Variants in MAGI2 observed in about 807,000 individuals in gnomAD.
MAGI2 encodes the protein membrane-associated guanylate kinase, WW and PDZ domain-containing protein 2.
In MAGI2, 35 loss-of-function variants were observed where a neutral mutation model predicts 133.3. The observed-to-expected ratio is 0.26, with a 90% confidence interval of 0.20 to 0.35. The LOEUF is 0.35. MAGI2 is among the 10% of genes least tolerant of loss of function. The probability of loss-of-function intolerance (pLI) is 1.00; values close to 1 mark genes in which losing one functional copy is unlikely to be tolerated. For synonymous variants in MAGI2, 729 were observed against 710.6 expected (o/e 1.03, Z -0.41); for missense variants, 1,636 against 1,863.4 (o/e 0.88, Z 2.25).
At chr7:78,280,297 T>G (rs533330905) in intron 9 of MAGI2, among the ~76,000 whole-genome samples, 2 of 152,096 alleles carry the variant, frequency 1.3e-5, no homozygotes, top group South Asian at 4.1e-4. Flanking sequence ...AGACAAATTG[T>G]GGGGGATGTG....
intron 2 of MAGI2, among the ~76,000 whole-genome samples, chr7:78,818,864 C>T (rs1789837068): frequency 6.6e-6 from 1 of 152,062 alleles, no homozygotes; most frequent in Admixed American, 6.6e-5. Flanking sequence ...GTTTTCATGA[C>T]ATATGAGGGG....
intron 9 of MAGI2, among the ~76,000 whole-genome samples, chr7:78,318,695 A>G (rs1787684744): frequency 6.6e-6 from 1 of 152,190 alleles, no homozygotes; most frequent in Admixed American, 6.5e-5. Flanking sequence ...GAAATGAGGG[A>G]AAAAATGTTA....
chr7:78,119,497 G>A (rs1384983629), intron 20 of MAGI2, among the ~76,000 whole-genome samples: 1 of 144,804 alleles, frequency 6.9e-6, no homozygotes, highest in African/African-American at 2.6e-5. Flanking sequence ...GGAGGCGGAG[G>A]TTGCAGTGAG....
Position 78,707,961 on chromosome 7 carries a change from CAGAT to C in MAGI2, c.419-80726_419-80723del, listed in dbSNP as rs527477510. ...AGTCCTTTATCTCTTAAAATCATAA[CAGAT>C]AGACTGTTTCCCTTTATAAGATTAA... On this transcript the variant is annotated intron_variant, in intron 2 of 21. Coordinates refer to ENST00000354212, the MANE Select transcript of MAGI2 (RefSeq NM_012301.4). 5.5e-3 allele frequency among the ~76,000 whole-genome samples: 831 copies of C among 152,144 alleles called. 4 individuals carry two copies. Among genetic ancestry groups the C allele is most frequent in the Non-Finnish European group, 7.2e-3 (491 of 67,958 alleles).
chr7:78,687,259 C>T (rs1196792790), intron 2 of MAGI2, among the ~76,000 whole-genome samples: 4 of 152,112 alleles, frequency 2.6e-5, no homozygotes, highest in African/African-American at 4.8e-5. Flanking sequence ...AGTATATAAA[C>T]GCTATATACC....
chr7:79,288,127 A>T (rs1224457405), intron 1 of MAGI2, among the ~76,000 whole-genome samples: 1 of 152,134 alleles, frequency 6.6e-6, no homozygotes, highest in Non-Finnish European at 1.5e-5. Context: ...TGCTATGCTC[A>T]CCACTAAGAG....
intron 1 of MAGI2, among the ~76,000 whole-genome samples, chr7:79,430,746 A>T (rs1164744092): frequency 6.6e-6 from 1 of 152,222 alleles, no homozygotes; most frequent in Non-Finnish European, 1.5e-5. Flanking sequence ...AATATCACAG[A>T]ACTCACCAAA....
intron 9 of MAGI2, among the ~76,000 whole-genome samples, chr7:78,270,163 A>C (rs1088558): frequency 0.72 from 108,813 of 152,002 alleles, 39,776 homozygotes; most frequent in African/African-American, 0.87. Context: ...GTTTGTGTTA[A>C]TGTAGCCTTG....
At chr7:78,625,972 G>T (rs1283684743) in intron 3 of MAGI2, among the ~76,000 whole-genome samples, 1 of 152,136 alleles carries the variant, frequency 6.6e-6, no homozygotes. Flanking sequence ...GCCTAACCAT[G>T]TGTTTCTCAG....
At chr7:79,005,308 G>A (rs139237757) in intron 2 of MAGI2, among the ~76,000 whole-genome samples, 47 of 152,206 alleles carry the variant, frequency 3.1e-4, no homozygotes, top group African/African-American at 9.9e-4. Context: ...TTCAAATTGA[G>A]TTTCTAATCA....
At chr7:78,624,182 T>A (rs1234742476) in intron 3 of MAGI2, among the ~76,000 whole-genome samples, 1 of 152,092 alleles carries the variant, frequency 6.6e-6, no homozygotes, top group Non-Finnish European at 1.5e-5. Flanking sequence ...TTTTTTCTTG[T>A]AAAAATTTTT....
chr7:79,136,858 C>T (rs1302377852), intron 1 of MAGI2, among the ~76,000 whole-genome samples: 1 of 152,148 alleles, frequency 6.6e-6, no homozygotes, highest in African/African-American at 2.4e-5. Context: ...ATAACTTGAA[C>T]AGGGAGGAGG....
intron 1 of MAGI2, among the ~76,000 whole-genome samples, chr7:79,138,293 C>T (rs1189349075): frequency 6.6e-6 from 1 of 152,122 alleles, no homozygotes; most frequent in Non-Finnish European, 1.5e-5. Context: ...CCTACAGCTG[C>T]CTTTTAAGTA....
At position 78,057,977 on chromosome 7, in the gene MAGI2, G is replaced by GTGTATATATATATATATA. The variant is rs762943472; in HGVS notation, c.3706+20969_3706+20970insTATATATATATATATACA. Reference sequence around the variant, plus strand: ...CCCCTCTGGCATTTTATATATATGTGTATATATATATATATATATATATAT... The same window carrying GTGTATATATATATATATA: ...CCCCTCTGGCATTTTATATATATGTGTGTATATATATATATATATATATATATATATATATATATATAT... On this transcript the variant is annotated intron_variant, in intron 21 of 21. Transcript: ENST00000354212. Among the ~76,000 whole-genome samples, 4 of 106,612 alleles carry GTGTATATATATATATATA rather than the reference G, an allele frequency of 3.8e-5. No homozygotes were observed. In the South Asian group the frequency reaches 9.8e-4, roughly 26 times the overall value. The allele number at this position is 106,612 out of a possible 152,430, so 69.9% of individuals were successfully genotyped here.
chr7:78,456,704 C>T (rs1023643444), intron 6 of MAGI2, among the ~76,000 whole-genome samples: 11 of 152,020 alleles, frequency 7.2e-5, no homozygotes, highest in Admixed American at 3.3e-4. Context: ...ATGAACCCTA[C>T]GGACGTAGGG....
intron 1 of MAGI2, among the ~76,000 whole-genome samples, chr7:79,021,915 T>C (rs1005619506): frequency 1.2e-4 from 18 of 152,168 alleles, no homozygotes; most frequent in African/African-American, 1.4e-4. Context: ...GTGGAGATAA[T>C]TGAATCATGG....
At chr7:78,767,486 ATAAAAT>A (rs1173359621) in intron 2 of MAGI2, among the ~76,000 whole-genome samples, 4 of 152,230 alleles carry the variant, frequency 2.6e-5, no homozygotes, top group African/African-American at 4.8e-5. Context: ...GAAATTGAAC[ATAAAAT>A]TAAAGTGTTT....
At chr7:78,101,463 C>T (rs1818203316) in intron 20 of MAGI2, among the ~76,000 whole-genome samples, 1 of 152,094 alleles carries the variant, frequency 6.6e-6, no homozygotes, top group African/African-American at 2.4e-5. Context: ...AGGATTGTCT[C>T]TTCAATAAGT....
chr7:78,982,034 CA>C (rs1242747948), intron 2 of MAGI2, among the ~76,000 whole-genome samples: 3 of 151,748 alleles, frequency 2.0e-5, no homozygotes, highest in African/African-American at 7.3e-5. Context: ...CAGGCAGGTC[CA>C]AAACCTGGTA....
Sources: allele counts gnomAD v4.1 joint callset (sites outside exome capture counted in the v4.1 genomes callset), GRCh38; gene constraint gnomAD v4.1.1; transcripts MANE v1.5; gene names NCBI Gene and HGNC (gene_info 2026-07-23, HGNC 2026-07-21).